DAPK2: variants seen among roughly 807,000 people sequenced by gnomAD.
DAPK2 encodes death-associated protein kinase 2.
In DAPK2, 35 loss-of-function variants were observed where a neutral mutation model predicts 44.1. That is an observed-to-expected ratio of 0.79 (90% CI 0.61 to 1.05). The LOEUF is 1.05. DAPK2 is among the 50% of genes least tolerant of loss of function. DAPK2 has a pLI of 0.00. For synonymous variants in DAPK2, 174 were observed against 182.6 expected (o/e 0.95, Z 0.38); for missense variants, 453 against 483.2 (o/e 0.94, Z 0.59).
intron 3 of DAPK2, among the ~76,000 whole-genome samples, chr15:63,951,796 G>A (rs2077595176): frequency 6.6e-6 from 1 of 152,194 alleles, no homozygotes; most frequent in African/African-American, 2.4e-5. Context: ...ACATGAAAGG[G>A]CCTTGGCCAT....
chr15:64,045,513 C>T (rs1318304228), intron 1 of DAPK2, among the ~76,000 whole-genome samples: 2 of 152,168 alleles, frequency 1.3e-5, no homozygotes, highest in Non-Finnish European at 2.9e-5. Context: ...CGCTTGCCCC[C>T]GAGGCAGCCA....
At chr15:63,981,599 A>G (rs1177853292) in intron 2 of DAPK2, among the ~76,000 whole-genome samples, 2 of 152,170 alleles carry the variant, frequency 1.3e-5, no homozygotes, top group African/African-American at 4.8e-5. Flanking sequence ...AAAAACATAA[A>G]TAGCTGTGTT....
chr15:63,938,600 C>T (rs1010748091), intron 4 of DAPK2, among the ~76,000 whole-genome samples: 2 of 152,238 alleles, frequency 1.3e-5, no homozygotes, highest in Non-Finnish European at 2.9e-5. Flanking sequence ...TGGTTCTCAG[C>T]GCTCATTCCT....
intron 1 of DAPK2, among the ~76,000 whole-genome samples, chr15:63,986,740 G>A (rs1261333653): frequency 6.6e-6 from 1 of 152,106 alleles, no homozygotes; most frequent in Non-Finnish European, 1.5e-5. Context: ...TATTGCCTGG[G>A]GAATTTTAAA....
At chr15:64,009,640 G>T (rs1471735943) in intron 1 of DAPK2, among the ~76,000 whole-genome samples, 1 of 152,062 alleles carries the variant, frequency 6.6e-6, no homozygotes, top group African/African-American at 2.4e-5. Context: ...GCTCCTCCTG[G>T]AAGTCTTCCC....
At chr15:64,043,857 T>A (rs2080400580), upstream of DAPK2, among the ~76,000 whole-genome samples, 1 of 152,216 alleles carries the variant, frequency 6.6e-6, no homozygotes, top group Non-Finnish European at 1.5e-5. Flanking sequence ...CCTACCTCTG[T>A]CCCCTTGTCG....
chr15:63,971,738 T>A (rs1024225425), intron 2 of DAPK2, among the ~76,000 whole-genome samples, 177 bp from the exon 4 acceptor site: 3 of 152,228 alleles, frequency 2.0e-5, no homozygotes, highest in African/African-American at 7.2e-5. Context: ...ACTTTGCTCC[T>A]ATTTGCTTTG....
In DAPK2 at chr15:63,953,616, C is replaced by T. The variant is rs190511784; in HGVS notation, c.454-14255G>A. On this transcript the variant is annotated intron_variant, in intron 3 of 10. Coordinates refer to ENST00000261891, the Ensembl canonical transcript of DAPK2. ...GATATTTCTCCAATATACTAATTTCCTTTCTTGTGGGTATATATCTAGCAG... is the reference window on the plus strand; with the variant it reads ...GATATTTCTCCAATATACTAATTTCTTTTCTTGTGGGTATATATCTAGCAG... Among the ~76,000 whole-genome samples, 3 of 152,274 alleles carry T rather than the reference C, an allele frequency of 2.0e-5. No individual in the cohort carries two copies. The East Asian group carries it at 5.8e-4, about 29-fold the overall frequency.
Position 63,911,807 on chromosome 15 carries a change from T to C in DAPK2, c.1032+101A>G. ...GGCCAGCAGAACTGGCTGGAAACAG[T>C]GAACACCCACCTGCCTTGTGAGGGG... On this transcript the variant is annotated intron_variant, in intron 10 of 10. Transcript: ENST00000261891. 3 of 1,203,630 alleles carry C rather than the reference T, an allele frequency of 2.5e-6. No homozygotes were observed. In the South Asian group the frequency reaches 4.0e-5, roughly 16 times the overall value. 74.6% of individuals were successfully genotyped at this position (1,203,630 alleles called of 1,614,324 possible). A position where few individuals can be genotyped will look rare whatever the true frequency, so the allele number is the denominator to read the frequency against.
chr15:64,037,997 C>A (rs2080254951), intron 1 of DAPK2, among the ~76,000 whole-genome samples: 1 of 152,194 alleles, frequency 6.6e-6, no homozygotes, highest in South Asian at 2.1e-4. Flanking sequence ...CACCCTGTTG[C>A]AAGTGGAGGA....
At chr15:63,991,180 G>C (rs893077812) in intron 1 of DAPK2, 3 of 455,144 alleles carry the variant, frequency 6.6e-6, no homozygotes, top group Non-Finnish European at 1.3e-5. Flanking sequence ...GCAGGAAACA[G>C]GTCAGGGTTT....
chr15:64,042,980 T>G (rs1199194437), upstream of DAPK2, among the ~76,000 whole-genome samples: 1 of 152,248 alleles, frequency 6.6e-6, no homozygotes, highest in Non-Finnish European at 1.5e-5. This position sits in a 1 kb window ranked among gnomAD's most constrained non-coding sequence, Gnocchi z 4.7. Context: ...TTGATCATAT[T>G]CTGGCTTATG....
chr15:63,942,058 G>C, intron 3 of DAPK2: 1 of 235,852 alleles, frequency 4.2e-6, no homozygotes. Context: ...ATAGCTGAGA[G>C]CCCAGGACAC....
chr15:63,912,403 A>G lies in DAPK2; in HGVS notation c.859-206T>C, dbSNP rs140986181. ...GCTGTTCAGGAGTTGCCTCTCAGCT[A>G]TTATTACCACAGCCTGACACACACA... is the stretch of plus-strand genomic sequence containing the variant. On this transcript the variant is annotated intron_variant, in intron 8 of 10. Coordinates refer to ENST00000261891, the Ensembl canonical transcript of DAPK2. The surrounding 1 kb of genome is among the most constrained non-coding windows in gnomAD (Gnocchi z 4.4). Among the ~76,000 whole-genome samples, 8 of 152,344 alleles carry G rather than the reference A, an allele frequency of 5.3e-5. No homozygotes were observed. The highest frequency in any genetic ancestry group is 1.9e-4 in the East Asian group (1 of 5,184).
At chr15:64,034,917 C>T (rs2080135016) in intron 1 of DAPK2, among the ~76,000 whole-genome samples, 1 of 152,172 alleles carries the variant, frequency 6.6e-6, no homozygotes, top group South Asian at 2.1e-4. Flanking sequence ...CCTGTAATCC[C>T]AGCACTTCGG....
chr15:63,988,667 C>T (rs568024121), intron 1 of DAPK2, among the ~76,000 whole-genome samples: 4 of 151,722 alleles, frequency 2.6e-5, no homozygotes, highest in African/African-American at 9.7e-5. Flanking sequence ...CCATGGATGG[C>T]TAATTTTTTT....
At chr15:63,919,091 C>T (rs1276253842) in intron 8 of DAPK2, 1 of 152,210 alleles carries the variant, frequency 6.6e-6, no homozygotes, top group Non-Finnish European at 1.5e-5. Context: ...CCCCCAGCAT[C>T]AGGTTCCAAT....
At chr15:63,968,222 TC>T (rs1242192433) in intron 3 of DAPK2, among the ~76,000 whole-genome samples, 2 of 152,178 alleles carry the variant, frequency 1.3e-5, no homozygotes, top group African/African-American at 2.4e-5. Context: ...CCTGAGGTAA[TC>T]CTTCTGAGTT....
In DAPK2 at chr15:63,948,711, C is replaced by G. The variant is rs544699594; in HGVS notation, c.454-9350G>C. On this transcript the variant is annotated intron_variant, in intron 3 of 10. Transcript: ENST00000261891. ...CTCCTGCGTTCCTCCACACACGCAA[C>G]CTAGAGGTCCGTGTAGAACAAAACT... Among the ~76,000 whole-genome samples the G allele has an allele frequency of 1.7e-4, 26 of 152,320 alleles. No homozygotes were observed. The South Asian group carries it at 5.2e-3, about 30-fold the overall frequency.
Sources: gnomAD v4.1 joint callset for allele counts (sites outside exome capture counted in the v4.1 genomes callset) on GRCh38, gnomAD v4.1.1 for gene constraint, Gnocchi (gnomAD v3.1) non-coding constraint, MANE v1.5 for transcripts, NCBI Gene and HGNC (gene_info 2026-07-23, HGNC 2026-07-21) for gene names.